GCNT2: variants seen among roughly 807,000 people sequenced by gnomAD.
GCNT2 encodes glucosaminyl (N-acetyl) transferase 2 (I blood group).
In GCNT2, 34 loss-of-function variants were observed where a neutral mutation model predicts 34.2. That is an observed-to-expected ratio of 1.00 (90% CI 0.76 to 1.32). GCNT2 has a LOEUF of 1.32. Among genes scored for constraint, GCNT2 ranks in the 40% most tolerant of loss-of-function variants. GCNT2 has a pLI of 0.00. For missense variants in GCNT2, 584 were observed against 489.4 expected (o/e 1.19, Z -1.82); for synonymous variants, 212 against 188.0 (o/e 1.13, Z -1.04).
chr6:10,557,270 G>A (rs1762762292), intron 3 of GCNT2: 1 of 1,612,464 alleles, frequency 6.2e-7, no homozygotes, highest in Non-Finnish European at 8.5e-7. Context: ...ACGGGCTGTT[G>A]ATTTGCTCCA....
rs980923014 is a variant in GCNT2, at chr6:10,526,778, A to G, written c.-468-696A>G. Among the ~76,000 whole-genome samples, 93 of 152,312 alleles carry G rather than the reference A, an allele frequency of 6.1e-4. 1 individual carries two copies. Among genetic ancestry groups the G allele is most frequent in the African/African-American group, 2.2e-3 (91 of 41,584 alleles). On this transcript the variant is annotated intron_variant, in intron 1 of 4. Coordinates refer to ENST00000495262, the MANE Select transcript of GCNT2 (RefSeq NM_145649.5). ...GTAAATGAAAGTACAGGACGTGGAA[A>G]CATTGTGTTTAGAAACTATCTACGA... is the stretch of plus-strand genomic sequence containing the variant.
intron 3 of GCNT2, among the ~76,000 whole-genome samples, chr6:10,589,859 G>A (rs1030605800): frequency 6.6e-6 from 1 of 152,164 alleles, no homozygotes; most frequent in African/African-American, 2.4e-5. Flanking sequence ...TATTGTCTGT[G>A]AGAAACAAAA....
chr6:10,556,101 A>G, intron 3 of GCNT2: 2 of 1,233,888 alleles, frequency 1.6e-6, no homozygotes, highest in Non-Finnish European at 2.0e-6. Flanking sequence ...GCCGGGGGAA[A>G]GAGAGTTACC....
intron 3 of GCNT2, among the ~76,000 whole-genome samples, chr6:10,562,596 ACTTC>A (rs1763039555): frequency 6.9e-6 from 1 of 144,516 alleles, no homozygotes; most frequent in Non-Finnish European, 1.5e-5. Flanking sequence ...GTGCGCCTGT[ACTTC>A]CAGCCACTCA....
chr6:10,538,437 A>AAAAATATAT (rs1554127249), intron 3 of GCNT2, among the ~76,000 whole-genome samples: 4 of 73,346 alleles, frequency 5.5e-5, no homozygotes, highest in African/African-American at 2.4e-4. Context: ...AAAAAAAAAA[A>AAAAATATAT]ATATATATAT....
intron 3 of GCNT2, among the ~76,000 whole-genome samples, chr6:10,537,278 G>T (rs2113559199): frequency 6.6e-6 from 1 of 152,304 alleles, no homozygotes; most frequent in South Asian, 2.1e-4. Flanking sequence ...CGGGCATTCT[G>T]TGGCTCACAC....
At chr6:10,574,609 A>T (rs1763707462) in intron 3 of GCNT2, 1 of 183,872 alleles carries the variant, frequency 5.4e-6, no homozygotes, top group African/African-American at 2.4e-5. Context: ...GCATGATTAT[A>T]ATCTAGAGCA....
At chr6:10,580,274 G>GGGCGGT (rs1554133302) in intron 3 of GCNT2, among the ~76,000 whole-genome samples, 2 of 150,982 alleles carry the variant, frequency 1.3e-5, no homozygotes, top group Admixed American at 6.6e-5. Context: ...AGGGGTCAGG[G>GGGCGGT]GGGTGGGGAG....
At chr6:10,544,462 G>A (rs933553115) in intron 3 of GCNT2, among the ~76,000 whole-genome samples, 1 of 150,524 alleles carries the variant, frequency 6.6e-6, no homozygotes, top group Non-Finnish European at 1.5e-5. Context: ...AAAATTAGCA[G>A]GGCGTGGTGG....
intron 3 of GCNT2, among the ~76,000 whole-genome samples, chr6:10,531,270 A>T (rs1180351493): frequency 1.3e-5 from 2 of 152,212 alleles, no homozygotes; most frequent in Admixed American, 6.5e-5. Context: ...TGATTTTTGA[A>T]TAATCTCAAG....
intron 3 of GCNT2, among the ~76,000 whole-genome samples, chr6:10,538,392 G>C (rs1761869622): frequency 9.4e-6 from 1 of 105,980 alleles, no homozygotes; most frequent in South Asian, 3.3e-4. Flanking sequence ...TGGGCGACAA[G>C]AGTGAGACTC....
At chr6:10,561,495 G>C (rs1028357806) in intron 3 of GCNT2, among the ~76,000 whole-genome samples, 3 of 152,184 alleles carry the variant, frequency 2.0e-5, no homozygotes, top group African/African-American at 7.2e-5. Context: ...TCTTCCCCAA[G>C]GCAGAGCACC....
intron 3 of GCNT2, among the ~76,000 whole-genome samples, chr6:10,534,139 C>CTTTTT (rs1491129469): frequency 0.096 from 11,771 of 122,296 alleles, 2,920 homozygotes; most frequent in Non-Finnish European, 0.12. Context: ...TTCCATGCTG[C>CTTTTT]TCTTTTTTTT....
chr6:10,584,247 A>AT (rs1267542385), intron 3 of GCNT2, among the ~76,000 whole-genome samples: 3 of 152,136 alleles, frequency 2.0e-5, no homozygotes, highest in Non-Finnish European at 2.9e-5. Context: ...GTTTAAGGAA[A>AT]AGTGCTGGGC....
chr6:10,542,967 C>T (rs1762105042), intron 3 of GCNT2, among the ~76,000 whole-genome samples: 1 of 144,332 alleles, frequency 6.9e-6, no homozygotes, highest in African/African-American at 2.7e-5. Context: ...GAGTGCAATG[C>T]CATGATCTCG....
intron 3 of GCNT2, among the ~76,000 whole-genome samples, chr6:10,608,140 C>T (rs1323354489): frequency 7.4e-5 from 11 of 148,562 alleles, no homozygotes; most frequent in Admixed American, 2.0e-4. Context: ...TGCAGTGGCA[C>T]GATCTCGGCT....
At position 10,566,278 on chromosome 6, in the gene GCNT2, T is replaced by C. The variant is rs189112260; in HGVS notation, c.925+36442T>C. On this transcript the variant is annotated intron_variant, in intron 3 of 4. Coordinates refer to ENST00000495262, the MANE Select transcript of GCNT2 (RefSeq NM_145649.5). The stretch of plus-strand genomic sequence containing the variant: ...ACTCCCGTACAACGTTGTACTATTA[T>C]TGGTCTTTTTATTTTTAATCTTTAA... 2.6e-5 allele frequency among the ~76,000 whole-genome samples: 4 copies of C among 152,210 alleles called. No homozygotes were observed. In the East Asian group the frequency reaches 5.8e-4, roughly 22 times the overall value.
intron 1 of GCNT2, among the ~76,000 whole-genome samples, chr6:10,523,227 GC>G (rs1361716347): frequency 6.6e-6 from 1 of 151,836 alleles, no homozygotes; most frequent in Non-Finnish European, 1.5e-5. Flanking sequence ...TTCGAGACCA[GC>G]CTACCAGCAT....
At chr6:10,581,738 G>GA (rs1384186620) in intron 3 of GCNT2, 1 of 984,976 alleles carries the variant, frequency 1.0e-6, no homozygotes, top group Non-Finnish European at 1.2e-6. Context: ...AAAGAGAAGG[G>GA]AAAAAACCGA....
Sources: allele counts gnomAD v4.1 joint callset (sites outside exome capture counted in the v4.1 genomes callset), GRCh38; gene constraint gnomAD v4.1.1; transcripts MANE v1.5; gene names NCBI Gene and HGNC (gene_info 2026-07-23, HGNC 2026-07-21).